The following PRKCI variants were observed in gnomAD, a reference collection of about 807,000 sequenced individuals.
The protein encoded by PRKCI is protein kinase C iota type.
PRKCI carries 43 observed loss-of-function variants against 84.0 expected under a neutral mutation model. The observed-to-expected ratio is 0.51, with a 90% CI of 0.40 to 0.66. PRKCI has a LOEUF of 0.66. Among genes scored for constraint, PRKCI ranks in the 30% least tolerant of loss-of-function variants. The pLI is 0.00. For missense variants in PRKCI, 459 were observed against 745.6 expected (o/e 0.62, Z 4.48); for synonymous variants, 216 against 234.4 (o/e 0.92, Z 0.72).
At chr3:170,296,026 C>G in intron 15 of PRKCI, 36 bp downstream of exon 15, 1 of 1,275,296 alleles carries the variant, frequency 7.8e-7, no homozygotes, top group South Asian at 1.7e-5. Context: ...TGTGATTTGT[C>G]TCTTTCTATA....
intron 2 of PRKCI, among the ~76,000 whole-genome samples, chr3:170,248,380 G>GA (rs34316499): frequency 2.9e-5 from 4 of 139,768 alleles, no homozygotes; most frequent in African/African-American, 6.1e-5. Context: ...TTGGGGGGGG[G>GA]AAAAAACCTG....
intron 1 of PRKCI, among the ~76,000 whole-genome samples, chr3:170,233,145 A>G (rs1453797766): frequency 6.6e-6 from 1 of 151,540 alleles, no homozygotes; most frequent in Non-Finnish European, 1.5e-5. Context: ...TATTGCAAAT[A>G]AAAGTATTTT....
intron 2 of PRKCI, among the ~76,000 whole-genome samples, chr3:170,252,907 ACT>A (rs1350893117): frequency 1.3e-5 from 2 of 151,906 alleles, no homozygotes; most frequent in Non-Finnish European, 2.9e-5. Flanking sequence ...CTATCATTCT[ACT>A]CTCTATCTCC....
At chr3:170,272,086 C>T (rs538765444) in intron 6 of PRKCI, among the ~76,000 whole-genome samples, 46 of 152,284 alleles carry the variant, frequency 3.0e-4, no homozygotes, top group African/African-American at 1.1e-3. Flanking sequence ...CCACCTGCCT[C>T]GGTCTCCCAA....
At chr3:170,230,623 C>T (rs1082967) in intron 1 of PRKCI, among the ~76,000 whole-genome samples, 25,211 of 152,204 alleles carry the variant, frequency 0.17, 2,374 homozygotes, top group East Asian at 0.31. Flanking sequence ...AGCCACTGCG[C>T]CTGGCTTATT....
intron 2 of PRKCI, among the ~76,000 whole-genome samples, chr3:170,244,589 T>C (rs1368570979): frequency 6.6e-6 from 1 of 152,122 alleles, no homozygotes; most frequent in Admixed American, 6.5e-5. Flanking sequence ...GAGGGGGTTG[T>C]GGGTGTAGGG....
At chr3:170,262,034 G>A (rs974564690) in intron 3 of PRKCI, among the ~76,000 whole-genome samples, 4 of 152,106 alleles carry the variant, frequency 2.6e-5, no homozygotes, top group Non-Finnish European at 5.9e-5. Context: ...TTAAAAATAT[G>A]CATTAGGAAC....
rs116053170 is a variant in PRKCI at position 170,240,182 on chromosome 3, A to G, written c.223+4831A>G. On this transcript the variant is annotated intron_variant, in intron 2 of 17. Coordinates refer to ENST00000295797, the MANE Select transcript of PRKCI (RefSeq NM_002740.6). ...GTTTCCAAAAAAAAGATATATGTGTATATATATATTTGTGAGTTGTACAAG... is the reference window on the plus strand; with the variant it reads ...GTTTCCAAAAAAAAGATATATGTGTGTATATATATTTGTGAGTTGTACAAG... Among the ~76,000 whole-genome samples the G allele has an allele frequency of 1.2e-3, 190 of 152,126 alleles. 1 individual carries two copies. Among genetic ancestry groups the G allele is most frequent in the African/African-American group, 4.4e-3 (181 of 41,510 alleles).
In PRKCI at chr3:170,280,364, A is replaced by G; in HGVS notation, c.843A>G (p.Ala281=). The G allele has an allele frequency of 1.2e-6, 2 of 1,613,960 alleles. No homozygotes were observed. Among genetic ancestry groups the G allele is most frequent in the Non-Finnish European group, 1.7e-6 (2 of 1,179,924 alleles). ...VRLKKTDRIY[A]MKVVKKELVN... Reference sequence around the variant, plus strand: ...TAAAAAAAACAGATCGTATTTATGCAATGAAAGTTGTGAAAAAAGAGCTTG... The same window carrying G: ...TAAAAAAAACAGATCGTATTTATGCGATGAAAGTTGTGAAAAAAGAGCTTG... The change falls in exon 9 of 18, where the codon GCA becomes GCG. Residue 281 remains alanine (A), a synonymous_variant. Transcript: ENST00000295797.
chr3:170,272,208 G>A (rs756987066), intron 6 of PRKCI, among the ~76,000 whole-genome samples: 1 of 151,998 alleles, frequency 6.6e-6, no homozygotes, highest in African/African-American at 2.4e-5. Context: ...TAAAAGATAC[G>A]CATTTAAAAA....
intron 1 of PRKCI, among the ~76,000 whole-genome samples, chr3:170,225,271 A>G (rs533718691): frequency 6.6e-6 from 1 of 152,310 alleles, no homozygotes; most frequent in South Asian, 2.1e-4. Context: ...ATTGTACCAA[A>G]TTCCTGTCCT....
intron 2 of PRKCI, among the ~76,000 whole-genome samples, chr3:170,250,057 C>T (rs1382886427): frequency 6.6e-6 from 1 of 151,958 alleles, no homozygotes; most frequent in Non-Finnish European, 1.5e-5. Context: ...CGGTGGATCA[C>T]CTGAGGTCAG....
chr3:170,271,895 A>G (rs1312159487), intron 6 of PRKCI, among the ~76,000 whole-genome samples: 8 of 152,152 alleles, frequency 5.3e-5, no homozygotes, highest in African/African-American at 1.9e-4. Context: ...ATGTAGTGGC[A>G]CAATCTTGGC....
intron 12 of PRKCI, among the ~76,000 whole-genome samples, chr3:170,288,829 C>T (rs1391842651): frequency 6.6e-6 from 1 of 152,136 alleles, no homozygotes; most frequent in South Asian, 2.1e-4. Flanking sequence ...TTTGAATGCT[C>T]TTTTATGACT....
intron 7 of PRKCI, among the ~76,000 whole-genome samples, chr3:170,273,830 A>G (rs1277143221): frequency 1.4e-5 from 2 of 146,854 alleles, no homozygotes; most frequent in African/African-American, 2.5e-5. Flanking sequence ...AGAGAGAGAG[A>G]AAAAAAAAAG....
intron 4 of PRKCI, among the ~76,000 whole-genome samples, chr3:170,267,027 G>A (rs1733875343): frequency 6.6e-6 from 1 of 152,078 alleles, no homozygotes. Flanking sequence ...AGTTAGGGAA[G>A]TTTGTATATG....
chr3:170,249,986 T>C (rs1257363721), intron 2 of PRKCI, among the ~76,000 whole-genome samples: 1 of 151,954 alleles, frequency 6.6e-6, no homozygotes, highest in African/African-American at 2.4e-5. Flanking sequence ...GTAAAAATGC[T>C]AGACTCTGGC....
At position 170,303,215 on chromosome 3, in the gene PRKCI, T is replaced by C; in HGVS notation, c.*88T>C. 1.1e-6 allele frequency: 1 copy of C among 934,562 alleles called. No homozygotes were observed. Among genetic ancestry groups the C allele is most frequent in the Non-Finnish European group, 1.6e-6 (1 of 631,054 alleles). The allele number at this position is 934,562 out of a possible 1,614,324, so 57.9% of individuals were successfully genotyped here. On this transcript the variant is annotated 3_prime_UTR_variant, in exon 18 of 18. Transcript: ENST00000295797. ...CAAGCCTGGATACAATTAACCATTT[T>C]ATATTTGCCACCTACAAAAAAACAC...
At chr3:170,261,459 T>TA (rs1192417978) in intron 3 of PRKCI, among the ~76,000 whole-genome samples, 1,380 of 127,952 alleles carry the variant, frequency 0.011, 13 homozygotes, top group African/African-American at 0.033. Context: ...GTTTTTTTTT[T>TA]AAAAAAAAAA....
Sources: gnomAD v4.1 joint callset for allele counts (sites outside exome capture counted in the v4.1 genomes callset) on GRCh38, gnomAD v4.1.1 for gene constraint, MANE v1.5 for transcripts, NCBI Gene and HGNC (gene_info 2026-07-23, HGNC 2026-07-21) for gene names.